The following RANBP3L variants were observed in gnomAD, a reference collection of about 807,000 sequenced individuals.
The protein encoded by RANBP3L is ran-binding protein 3-like.
RANBP3L carries 56 observed loss-of-function variants against 67.2 expected under a neutral mutation model. The observed-to-expected ratio is 0.83, with a 90% CI of 0.67 to 1.04. RANBP3L has a LOEUF of 1.04. RANBP3L is among the 50% of genes least tolerant of loss of function. RANBP3L has a pLI of 0.00. For synonymous variants in RANBP3L, 164 were observed against 181.4 expected (o/e 0.90, Z 0.77); for missense variants, 496 against 535.5 (o/e 0.93, Z 0.73).
chr5:36,251,707 C>T, intron 12 of RANBP3L, among the ~76,000 whole-genome samples: 1 of 152,046 alleles, frequency 6.6e-6, no homozygotes, highest in East Asian at 1.9e-4. Context: ...TAAGCAATCC[C>T]AATGTACACA....
intron 6 of RANBP3L, 49 bp from the exon 7 acceptor site, chr5:36,262,091 T>C: frequency 4.5e-6 from 4 of 886,504 alleles, no homozygotes; most frequent in Non-Finnish European, 7.5e-6. Context: ...TACCTTACTA[T>C]AGGACCATCA....
chr5:36,253,819 A>G (rs776733946), intron 11 of RANBP3L, 30 bp from the exon 12 acceptor site: 13 of 1,606,252 alleles, frequency 8.1e-6, no homozygotes, highest in Middle Eastern at 3.3e-4. Context: ...ACATCAGGCC[A>G]CAGAACAGTT....
chr5:36,280,522 A>G (rs1016731292), intron 1 of RANBP3L, among the ~76,000 whole-genome samples: 1 of 152,204 alleles, frequency 6.6e-6, no homozygotes, highest in African/African-American at 2.4e-5. Flanking sequence ...AGTCCTAAAA[A>G]CAGAATTTTT....
intron 1 of RANBP3L, among the ~76,000 whole-genome samples, chr5:36,288,549 A>T (rs543862856): frequency 6.6e-6 from 1 of 152,240 alleles, no homozygotes; most frequent in South Asian, 2.1e-4. Context: ...TATATAAGAA[A>T]CTGCCAAACT....
At chr5:36,259,337 C>A (rs562320624) in intron 8 of RANBP3L, among the ~76,000 whole-genome samples, 1 of 152,282 alleles carries the variant, frequency 6.6e-6, no homozygotes, top group East Asian at 1.9e-4. Flanking sequence ...AATCCCAGCA[C>A]TTAGGGAGCC....
chr5:36,270,096 C>CAAAAGT, intron 2 of RANBP3L, 106 bp from the exon 3 acceptor site: 1 of 962,074 alleles, frequency 1.0e-6, no homozygotes, highest in Non-Finnish European at 1.7e-6. Context: ...GCAAAAATTG[C>CAAAAGT]AATTACTTTT....
chr5:36,278,019 G>A (rs144304893), intron 1 of RANBP3L, among the ~76,000 whole-genome samples: 342 of 152,080 alleles, frequency 2.2e-3, no homozygotes, highest in Non-Finnish European at 3.7e-3. Flanking sequence ...GAAGGAAACC[G>A]TCCCCATGAT....
chr5:36,264,613 G>A (rs143948420), intron 6 of RANBP3L, among the ~76,000 whole-genome samples: 2 of 152,134 alleles, frequency 1.3e-5, no homozygotes, highest in African/African-American at 4.8e-5. Context: ...ACCAGTTGGC[G>A]ATGTAGAGAA....
rs1353851046 is a variant in RANBP3L, at chr5:36,297,445, ACG to A, written c.91+3879_91+3880del. Among the ~76,000 whole-genome samples, 508 of 148,900 alleles carry A rather than the reference ACG, an allele frequency of 3.4e-3. 2 individuals carry two copies. Among genetic ancestry groups the A allele is most frequent in the South Asian group, 8.0e-3 (38 of 4,722 alleles). On this transcript the variant is annotated intron_variant, in intron 1 of 13. Coordinates refer to ENST00000296604, the MANE Select transcript of RANBP3L (RefSeq NM_145000.5). ...CCTGTATACACACACACACACACAC[ACG>A]CACACACACACATCCTATTGGTTCT...
At chr5:36,289,779 A>C (rs912193252) in intron 1 of RANBP3L, among the ~76,000 whole-genome samples, 4 of 151,582 alleles carry the variant, frequency 2.6e-5, no homozygotes, top group African/African-American at 9.7e-5. Flanking sequence ...TTTTTGATAG[A>C]TTTCTCAGGA....
intron 4 of RANBP3L, among the ~76,000 whole-genome samples, chr5:36,269,014 G>T (rs1422438554): frequency 1.4e-4 from 22 of 151,984 alleles, no homozygotes; most frequent in Admixed American, 1.4e-3. Flanking sequence ...CCAGCCTGTG[G>T]TTACTTTAAA....
At chr5:36,262,526 A>G (rs1239599981) in intron 6 of RANBP3L, among the ~76,000 whole-genome samples, 4 of 152,176 alleles carry the variant, frequency 2.6e-5, no homozygotes, top group Non-Finnish European at 4.4e-5. Context: ...TTATCCAGTT[A>G]CTTTGCCTTA....
At chr5:36,275,262 T>C (rs948509584) in intron 1 of RANBP3L, among the ~76,000 whole-genome samples, 5 of 152,262 alleles carry the variant, frequency 3.3e-5, no homozygotes, top group African/African-American at 1.2e-4. Context: ...TTAATCATTC[T>C]GTGGATTAAA....
intron 1 of RANBP3L, among the ~76,000 whole-genome samples, chr5:36,285,024 G>A (rs1363845): frequency 0.9 from 136,633 of 152,172 alleles, 62,777 homozygotes; most frequent in Non-Finnish European, 0.99. Flanking sequence ...TCCGGAGTCC[G>A]GATCTTGGAT....
chr5:36,280,086 C>T (rs1227993556), intron 1 of RANBP3L, among the ~76,000 whole-genome samples: 2 of 152,112 alleles, frequency 1.3e-5, no homozygotes, highest in Non-Finnish European at 2.9e-5. Flanking sequence ...TGATAATCTT[C>T]AAGGGAACCA....
intron 11 of RANBP3L, among the ~76,000 whole-genome samples, chr5:36,254,146 T>A (rs1271997464): frequency 6.6e-6 from 1 of 152,044 alleles, no homozygotes; most frequent in African/African-American, 2.4e-5. Flanking sequence ...TTAAATAAAT[T>A]GTGGTGTAGT....
At chr5:36,291,503 C>A (rs188095261) in intron 1 of RANBP3L, among the ~76,000 whole-genome samples, 2 of 152,190 alleles carry the variant, frequency 1.3e-5, no homozygotes, top group African/African-American at 4.8e-5. Flanking sequence ...CACCCACTAA[C>A]TCGTCATCTA....
Position 36,265,485 on chromosome 5 carries a change from C to G in RANBP3L, c.304G>C (p.Val102Leu), listed in dbSNP as rs752337102. 5.0e-6 allele frequency: 8 copies of G among 1,606,370 alleles called. No individual in the cohort carries two copies. In the South Asian group the frequency reaches 8.8e-5, roughly 18 times the overall value. Residue 102 changes from valine to leucine, a missense_variant, in exon 5 of 14, where the codon GTG (valine) becomes CTG (leucine). Physicochemically the swap from Val to Leu is conservative, Grantham distance 32. Transcript: ENST00000296604. ...KNNVFMTSALVQSSVDIKSAE... is the reference protein window; with the variant it reads ...KNNVFMTSALLQSSVDIKSAE... The stretch of plus-strand genomic sequence containing the variant: ...CTCTTTATATCAACACTACTTTGCA[C>G]AAGAGCTGATGTCATAAAAACATTG...
chr5:36,277,422 C>CTCTATA (rs377029015), intron 1 of RANBP3L, among the ~76,000 whole-genome samples: 64 of 115,252 alleles, frequency 5.6e-4, no homozygotes, highest in South Asian at 1.2e-3. Flanking sequence ...CTCTCTCTCT[C>CTCTATA]TATATATATA....
Sources: allele counts gnomAD v4.1 joint callset (sites outside exome capture counted in the v4.1 genomes callset), GRCh38; gene constraint gnomAD v4.1.1; transcripts MANE v1.5; gene names NCBI Gene and HGNC (gene_info 2026-07-23, HGNC 2026-07-21).